The following CUL1 variants were observed in gnomAD, a reference collection of about 807,000 sequenced individuals.
The protein encoded by CUL1 is cullin 1.
In CUL1, 24 loss-of-function variants were observed where a neutral mutation model predicts 118.0. The observed-to-expected ratio is 0.20, with a 90% CI of 0.15 to 0.29. The LOEUF (loss-of-function observed/expected upper bound fraction) is 0.29. CUL1 is among the 10% of genes least tolerant of loss of function. CUL1 has a pLI of 1.00. For synonymous variants in CUL1, 332 were observed against 340.4 expected (o/e 0.98, Z 0.27); for missense variants, 361 against 933.8 (o/e 0.39, Z 7.99).
intron 12 of CUL1, 127 bp from the exon 13 acceptor site, chr7:148,786,862 T>C (rs1800831691): frequency 1.6e-6 from 2 of 1,257,758 alleles, no homozygotes; most frequent in Non-Finnish European, 2.2e-6. Context: ...TCATAAACGT[T>C]GGCGTACAGA....
intron 1 of CUL1, among the ~76,000 whole-genome samples, chr7:148,708,323 T>C (rs909193371): frequency 6.6e-6 from 1 of 152,252 alleles, no homozygotes; most frequent in Non-Finnish European, 1.5e-5. Context: ...CCGACATCTC[T>C]ATTTCTAGCG....
intron 7 of CUL1, among the ~76,000 whole-genome samples, chr7:148,763,357 C>T (rs912246043): frequency 6.6e-6 from 1 of 152,042 alleles, no homozygotes; most frequent in Non-Finnish European, 1.5e-5. Flanking sequence ...ACACCAAACA[C>T]GACTTCCATC....
chr7:148,751,241 T>C (rs1214101615), intron 2 of CUL1, among the ~76,000 whole-genome samples: 1 of 151,928 alleles, frequency 6.6e-6, no homozygotes, highest in Non-Finnish European at 1.5e-5. Flanking sequence ...CAAGACCCCA[T>C]CTCTACAAAA....
chr7:148,773,717 T>C (rs938838898), intron 9 of CUL1, among the ~76,000 whole-genome samples: 1 of 152,234 alleles, frequency 6.6e-6, no homozygotes, highest in Non-Finnish European at 1.5e-5. Context: ...CTTTCCTAGT[T>C]CTTCTGTCTT....
chr7:148,778,096 A>AAAAAAAAAAAAAAAAAAAC (rs1563166639), intron 9 of CUL1, among the ~76,000 whole-genome samples: 3 of 59,304 alleles, frequency 5.1e-5, no homozygotes, highest in African/African-American at 7.8e-5. Flanking sequence ...AAAAAAAAAA[A>AAAAAAAAAAAAAAAAAAAC]AGAAGAAGAA....
At chr7:148,727,460 A>G (rs920496800) in intron 1 of CUL1, among the ~76,000 whole-genome samples, 1 of 152,186 alleles carries the variant, frequency 6.6e-6, no homozygotes, top group South Asian at 2.1e-4. Context: ...TTATTTATGT[A>G]AAATATGTAT....
chr7:148,725,198 T>TACACACACACACACACAC lies in CUL1; in HGVS notation c.-161-4750_-161-4749insACACACACACACACACAC, dbSNP rs147863334. Among the ~76,000 whole-genome samples the TACACACACACACACACAC allele has an allele frequency of 1.8e-4, 19 of 106,752 alleles. 1 individual carries two copies. The highest frequency in any genetic ancestry group is 6.0e-4 in the African/African-American group (19 of 31,462). The allele number at this position is 106,752 out of a possible 152,430, so 70.0% of individuals were successfully genotyped here. A position where few individuals can be genotyped will look rare whatever the true frequency, so the allele number is the denominator to read the frequency against. On this transcript the variant is annotated intron_variant, in intron 1 of 21. Transcript: ENST00000325222. ...GGCATGCAGCGCACATGCGCGCGTG[T>TACACACACACACACACAC]ACACACACACACACGCGCGCGCTCA...
intron 14 of CUL1, among the ~76,000 whole-genome samples, chr7:148,789,525 G>A (rs1563170097): frequency 6.6e-6 from 1 of 152,108 alleles, no homozygotes; most frequent in Non-Finnish European, 1.5e-5. Context: ...GCAAAATGAA[G>A]ACTCTCACTC....
At chr7:148,797,061 G>A (rs1801224827) in intron 17 of CUL1, among the ~76,000 whole-genome samples, 1 of 152,076 alleles carries the variant, frequency 6.6e-6, no homozygotes, top group African/African-American at 2.4e-5. Context: ...GAGGCTGAAG[G>A]AGGGCTGGGA....
intron 1 of CUL1, among the ~76,000 whole-genome samples, chr7:148,727,378 A>C (rs1798620215): frequency 6.6e-6 from 1 of 152,240 alleles, no homozygotes; most frequent in Non-Finnish European, 1.5e-5. Context: ...CAGATGCTTG[A>C]TGATACTGGT....
intron 1 of CUL1, among the ~76,000 whole-genome samples, chr7:148,720,777 A>C (rs1046477463): frequency 2.6e-5 from 4 of 152,178 alleles, no homozygotes; most frequent in Non-Finnish European, 5.9e-5. Context: ...AGCAGCTTGG[A>C]GTTGTCGTCG....
chr7:148,779,784 T>C (rs1298326888), intron 9 of CUL1, among the ~76,000 whole-genome samples: 1 of 152,238 alleles, frequency 6.6e-6, no homozygotes, highest in Non-Finnish European at 1.5e-5. Flanking sequence ...ATGCAAAGTA[T>C]TGATCCTGGG....
chr7:148,740,997 C>T (rs961234169), intron 2 of CUL1, among the ~76,000 whole-genome samples: 4 of 152,172 alleles, frequency 2.6e-5, no homozygotes, highest in South Asian at 2.1e-4. Flanking sequence ...CAGCCTAAGC[C>T]GACTAATACA....
chr7:148,758,141 C>T (rs1431423842), intron 4 of CUL1, among the ~76,000 whole-genome samples: 2 of 152,202 alleles, frequency 1.3e-5, no homozygotes, highest in Non-Finnish European at 2.9e-5. Context: ...TTACCAAGCT[C>T]TCCAGACAAT....
At chr7:148,781,371 G>A (rs1177506939) in intron 9 of CUL1, among the ~76,000 whole-genome samples, 3 of 152,170 alleles carry the variant, frequency 2.0e-5, no homozygotes, top group Middle Eastern at 3.4e-3. Context: ...ATGAGCCACC[G>A]CGCCCGGCCA....
chr7:148,732,445 C>T (rs886166095), intron 2 of CUL1, among the ~76,000 whole-genome samples: 3 of 150,448 alleles, frequency 2.0e-5, no homozygotes, highest in African/African-American at 7.4e-5. Context: ...CAGGCTTAAA[C>T]GATCCTCCCA....
chr7:148,774,276 G>C (rs1800325553), intron 9 of CUL1, among the ~76,000 whole-genome samples: 1 of 152,152 alleles, frequency 6.6e-6, no homozygotes, highest in Non-Finnish European at 1.5e-5. Flanking sequence ...TTTTCTTGAT[G>C]GTCAGAGCTG....
rs1178573607 is a variant in CUL1, at chr7:148,711,569, C to T, written c.-162+12540C>T. Among the ~76,000 whole-genome samples the T allele has an allele frequency of 3.9e-5, 6 of 152,116 alleles. No individual in the cohort carries two copies. The East Asian group carries it at 1.2e-3, about 29-fold the overall frequency. On this transcript the variant is annotated intron_variant, in intron 1 of 21. Transcript: ENST00000325222. Reference sequence around the variant, plus strand: ...AAAGAGCACGGTAGCGCCGTTTCTCCTTTTGAACCAGTTTGTAGTGAAACG... The same window carrying T: ...AAAGAGCACGGTAGCGCCGTTTCTCTTTTTGAACCAGTTTGTAGTGAAACG...
At position 148,783,334 on chromosome 7, in the gene CUL1, T is replaced by C. The variant is rs966852003; in HGVS notation, c.1084-449T>C. 4.1e-6 allele frequency: 4 copies of C among 985,424 alleles called. No individual in the cohort carries two copies. In the East Asian group the frequency reaches 4.5e-4, roughly 112 times the overall value. 61.0% of individuals were successfully genotyped at this position (985,424 alleles called of 1,614,324 possible). A position where few individuals can be genotyped will look rare whatever the true frequency, so the allele number is the denominator to read the frequency against. On this transcript the variant is annotated intron_variant, in intron 9 of 21. Coordinates refer to ENST00000325222, the MANE Select transcript of CUL1 (RefSeq NM_003592.3). ...GGTTTGCAGTGGGTGGGGGCCGCAGTCAGACTCCCGCCCTGAGCCCCGCTT... is the reference window on the plus strand; with the variant it reads ...GGTTTGCAGTGGGTGGGGGCCGCAGCCAGACTCCCGCCCTGAGCCCCGCTT...
Sources: gnomAD v4.1 joint callset for allele counts (sites outside exome capture counted in the v4.1 genomes callset) on GRCh38, gnomAD v4.1.1 for gene constraint, MANE v1.5 for transcripts, NCBI Gene and HGNC (gene_info 2026-07-23, HGNC 2026-07-21) for gene names.